The following GPC5 variants were observed in gnomAD, a reference collection of about 807,000 sequenced individuals.
The protein encoded by GPC5 is glypican 5, also known as glypican-5.
Under a neutral mutation model 53.9 loss-of-function variants are expected in GPC5, and 47 were observed. The ratio of observed to expected loss-of-function variants is 0.87; its 90% confidence interval spans 0.69 to 1.11. The LOEUF (loss-of-function observed/expected upper bound fraction) is 1.11. GPC5 is among the 50% of genes most tolerant of loss of function. The pLI, the probability that GPC5 is intolerant of heterozygous loss-of-function variation, is 0.00. For synonymous variants in GPC5, 286 were observed against 263.3 expected (o/e 1.09, Z -0.84); for missense variants, 748 against 713.1 (o/e 1.05, Z -0.56).
At chr13:92,608,817 G>T (rs1399765611) in intron 7 of GPC5, among the ~76,000 whole-genome samples, 1 of 152,084 alleles carries the variant, frequency 6.6e-6, no homozygotes, top group Non-Finnish European at 1.5e-5. Flanking sequence ...TTAGCTCTGT[G>T]CACACTGCCT....
chr13:91,725,039 T>C (rs2036548606), intron 3 of GPC5: 1 of 152,284 alleles, frequency 6.6e-6, no homozygotes, highest in African/African-American at 2.4e-5. Flanking sequence ...TTTGTGCTTT[T>C]GCACGTAGTG....
At chr13:92,649,285 T>C (rs1473663262) in intron 7 of GPC5, among the ~76,000 whole-genome samples, 1 of 152,150 alleles carries the variant, frequency 6.6e-6, no homozygotes, top group Non-Finnish European at 1.5e-5. Flanking sequence ...TTCAGATAGC[T>C]ATAGGCTTCC....
chr13:92,804,361 G>T (rs1877017034), intron 7 of GPC5, among the ~76,000 whole-genome samples: 1 of 151,934 alleles, frequency 6.6e-6, no homozygotes, highest in Non-Finnish European at 1.5e-5. Flanking sequence ...AATATTGCAG[G>T]TTTGGTTCTA....
chr13:91,985,370 A>AT (rs60884117), intron 6 of GPC5, among the ~76,000 whole-genome samples: 16,047 of 142,654 alleles, frequency 0.11, 2,536 homozygotes, highest in African/African-American at 0.36. Flanking sequence ...TAAAATCAGC[A>AT]TTTTTTTTTT....
chr13:92,724,869 T>TACAC (rs1566386460), intron 7 of GPC5, among the ~76,000 whole-genome samples: 3 of 85,448 alleles, frequency 3.5e-5, no homozygotes, highest in African/African-American at 7.9e-5. Context: ...TTAAGTGTCC[T>TACAC]ACACATACAC....
intron 7 of GPC5, among the ~76,000 whole-genome samples, chr13:92,856,656 T>C (rs1483118589): frequency 6.6e-6 from 1 of 152,008 alleles, no homozygotes; most frequent in Admixed American, 6.6e-5. Context: ...AAAATCAATG[T>C]ACAAAAATCA....
intron 6 of GPC5, among the ~76,000 whole-genome samples, chr13:92,096,208 C>T (rs1325896392): frequency 6.6e-6 from 1 of 152,176 alleles, no homozygotes; most frequent in Non-Finnish European, 1.5e-5. Flanking sequence ...GTTTTTATTT[C>T]TTCCCCATCA....
chr13:92,819,051 G>A (rs993806116), intron 7 of GPC5, among the ~76,000 whole-genome samples: 7 of 151,902 alleles, frequency 4.6e-5, no homozygotes, highest in African/African-American at 1.5e-4. Context: ...AAGTACCAGT[G>A]TTTTAAGGGT....
chr13:91,592,553 C>A (rs1414710), intron 2 of GPC5, among the ~76,000 whole-genome samples: 146,915 of 152,212 alleles, frequency 0.97, 71,118 homozygotes, highest in East Asian at 1. Context: ...CACAAACTTG[C>A]GCATCTCACC....
chr13:91,730,664 A>G (rs1161449834), intron 4 of GPC5, among the ~76,000 whole-genome samples: 2 of 152,214 alleles, frequency 1.3e-5, no homozygotes, highest in Non-Finnish European at 2.9e-5. Flanking sequence ...TGGACTCACC[A>G]TCAGAGCACC....
At chr13:92,372,573 C>T (rs1374262375) in intron 7 of GPC5, among the ~76,000 whole-genome samples, 3 of 152,058 alleles carry the variant, frequency 2.0e-5, no homozygotes, top group South Asian at 2.1e-4. Context: ...ATTTTTCATT[C>T]GTTGGATTCC....
At chr13:91,794,662 A>G (rs974129275) in intron 5 of GPC5, among the ~76,000 whole-genome samples, 4 of 152,234 alleles carry the variant, frequency 2.6e-5, no homozygotes, top group African/African-American at 9.6e-5. Flanking sequence ...ATATTTAAAC[A>G]GCTACAATAA....
intron 2 of GPC5, among the ~76,000 whole-genome samples, chr13:91,600,952 A>T (rs1195252554): frequency 6.6e-6 from 1 of 152,180 alleles, no homozygotes; most frequent in Non-Finnish European, 1.5e-5. Flanking sequence ...AGAAGGGGTG[A>T]CATTTATCTT....
intron 7 of GPC5, among the ~76,000 whole-genome samples, chr13:92,761,237 T>C (rs1875163552): frequency 6.6e-6 from 1 of 152,170 alleles, no homozygotes; most frequent in Non-Finnish European, 1.5e-5. Flanking sequence ...GGCATAATTA[T>C]AGCACACTGT....
intron 7 of GPC5, among the ~76,000 whole-genome samples, chr13:92,555,647 A>G (rs1490116884): frequency 6.7e-6 from 1 of 150,160 alleles, no homozygotes; most frequent in Non-Finnish European, 1.5e-5. Context: ...TTTATTTTCA[A>G]TTTTAATTTA....
At chr13:91,542,060 CTT>C (rs1221519618) in intron 2 of GPC5, among the ~76,000 whole-genome samples, 3 of 136,788 alleles carry the variant, frequency 2.2e-5, no homozygotes, top group South Asian at 2.5e-4. Context: ...AAATAACACT[CTT>C]AAATCAACCT....
At chr13:92,849,242 T>C (rs1271522936) in intron 7 of GPC5, among the ~76,000 whole-genome samples, 2 of 152,174 alleles carry the variant, frequency 1.3e-5, no homozygotes, top group African/African-American at 4.8e-5. Context: ...TTCTTAGAAA[T>C]GATAGCAATG....
At chr13:92,628,264 C>CTTTTATTTTTT (rs1885115736) in intron 7 of GPC5, among the ~76,000 whole-genome samples, 1 of 45,338 alleles carries the variant, frequency 2.2e-5, no homozygotes, top group Non-Finnish European at 4.3e-5. Context: ...CTTTTTCTTT[C>CTTTTATTTTTT]TTTTTTTTTT....
At chr13:91,510,635 A>T (rs1885187868) in intron 2 of GPC5, among the ~76,000 whole-genome samples, 1 of 152,202 alleles carries the variant, frequency 6.6e-6, no homozygotes. Context: ...CTAAACATTT[A>T]TAAAAGTCTT....
Sources: gnomAD v4.1 joint callset for allele counts (sites outside exome capture counted in the v4.1 genomes callset) on GRCh38, gnomAD v4.1.1 for gene constraint, MANE v1.5 for transcripts, NCBI Gene and HGNC (gene_info 2026-07-23, HGNC 2026-07-21) for gene names.